Variants in DCN observed in about 807,000 individuals in gnomAD.
The protein encoded by DCN is decorin.
Under a neutral mutation model 36.5 loss-of-function variants are expected in DCN, and 17 were observed. The ratio of observed to expected loss-of-function variants is 0.47; its 90% confidence interval spans 0.32 to 0.70. The LOEUF (loss-of-function observed/expected upper bound fraction) is 0.70. DCN is among the 30% of genes least tolerant of loss of function. The probability of loss-of-function intolerance (pLI) is 0.04; values close to 1 mark genes in which losing one functional copy is unlikely to be tolerated. For missense variants in DCN, 389 were observed against 430.1 expected (o/e 0.90, Z 0.84); for synonymous variants, 163 against 161.4 (o/e 1.01, Z -0.07).
Position 91,179,576 on chromosome 12 carries a change from T to C in DCN, c.-33-991A>G, listed in dbSNP as rs1450195347. The C allele has an allele frequency of 2.0e-5, 3 of 152,352 alleles. No homozygotes were observed. In the East Asian group the frequency reaches 5.8e-4, roughly 29 times the overall value. The allele number at this position is 152,352 out of a possible 1,614,324, so 9.4% of individuals were successfully genotyped here. A position where few individuals can be genotyped will look rare whatever the true frequency, so the allele number is the denominator to read the frequency against. On this transcript the variant is annotated intron_variant, in intron 1 of 7. Coordinates refer to ENST00000052754, the MANE Select transcript of DCN (RefSeq NM_001920.5). The stretch of plus-strand genomic sequence containing the variant: ...ATGTACTCCTTCAGGGCGTGTCTTA[T>C]TATTCCTTGTTCTGTACCCGGGCCT...
rs1230839430 is a variant in DCN, at chr12:91,141,304, C to A, written c.*4754G>T. On this transcript the variant is annotated 3_prime_UTR_variant, in exon 8 of 8. Coordinates refer to ENST00000052754, the MANE Select transcript of DCN (RefSeq NM_001920.5). ...TTTACTCTGCTCACGTTTGTCCTCT[C>A]TGCTCTTGTTGGAACGTGCCATGTA... 1 of 152,244 alleles carries A rather than the reference C, an allele frequency of 6.6e-6. No homozygotes were observed. The highest frequency in any genetic ancestry group is 1.5e-5 in the Non-Finnish European group (1 of 68,094). 9.4% of individuals were successfully genotyped at this position (152,244 alleles called of 1,614,324 possible).
At chr12:91,177,051 G>A (rs1176021597) in intron 2 of DCN, 1 of 153,048 alleles carries the variant, frequency 6.5e-6, no homozygotes, top group Non-Finnish European at 1.5e-5. Context: ...GGCCATATTT[G>A]TCTTCCTCAT....
At chr12:91,158,610 A>T (rs1445882108) in intron 3 of DCN, 101 bp from the exon 4 acceptor site, 1 of 743,732 alleles carries the variant, frequency 1.3e-6, no homozygotes, top group Non-Finnish European at 2.4e-6. Flanking sequence ...GATAGCAGAG[A>T]AATCTAAAAA....
rs1330255139 is a variant in DCN, at chr12:91,143,666, C to A, written c.*2392G>T. 2 of 151,562 alleles carry A rather than the reference C, an allele frequency of 1.3e-5. No individual in the cohort carries two copies. Among genetic ancestry groups the A allele is most frequent in the Admixed American group, 1.3e-4 (2 of 15,202 alleles). The allele number at this position is 151,562 out of a possible 1,614,324, so 9.4% of individuals were successfully genotyped here. ...CATAAGACATGTACAATTAATATTCCCATTTTATGGACAAGGAAATGAGTC... is the reference window on the plus strand; with the variant it reads ...CATAAGACATGTACAATTAATATTCACATTTTATGGACAAGGAAATGAGTC... On this transcript the variant is annotated 3_prime_UTR_variant, in exon 8 of 8. Transcript: ENST00000052754.
intron 3 of DCN, among the ~76,000 whole-genome samples, chr12:91,161,975 CTG>C: frequency 6.7e-6 from 1 of 149,208 alleles, no homozygotes; most frequent in Admixed American, 6.7e-5. Context: ...GAGTCTCACT[CTG>C]TCACCAGGGC....
At chr12:91,166,783 A>C (rs1000262227) in intron 2 of DCN, among the ~76,000 whole-genome samples, 2 of 152,142 alleles carry the variant, frequency 1.3e-5, no homozygotes, top group Admixed American at 6.5e-5. Context: ...ATTCAGAAAA[A>C]AGGAATACCA....
At position 91,151,738 on chromosome 12, in the gene DCN, G is replaced by T. The variant is rs371907707; in HGVS notation, c.801C>A (p.Asn267Lys). 5 of 1,613,984 alleles carry T rather than the reference G, an allele frequency of 3.1e-6. No homozygotes were observed. The African/African-American group carries it at 5.3e-5, about 17-fold the overall frequency. ...ISAVDNGSLANTPHLRELHLD... is the reference protein window; with the variant it reads ...ISAVDNGSLAKTPHLRELHLD... ...AGTGAAGCTCCCTCAGATGAGGCGT[G>T]TTGGCCAGAGAGCCATTGTCAACAG... Residue 267 changes from asparagine to lysine, a missense_variant, in exon 7 of 8, where the codon AAC (asparagine) becomes AAA (lysine). Coordinates refer to ENST00000052754, the MANE Select transcript of DCN (RefSeq NM_001920.5).
rs560219682 is a variant in DCN at position 91,174,147 on chromosome 12, T to A, written c.211+4195A>T. Reference sequence around the variant, plus strand: ...AGCCAAATACTTCATTGTTCTCAAATCAAACAAACTCATTTTGTTCAAAGG... The same window carrying A: ...AGCCAAATACTTCATTGTTCTCAAAACAAACAAACTCATTTTGTTCAAAGG... On this transcript the variant is annotated intron_variant, in intron 2 of 7. Transcript: ENST00000052754. 6.6e-5 allele frequency among the ~76,000 whole-genome samples: 10 copies of A among 152,274 alleles called. No homozygotes were observed. The South Asian group carries it at 1.7e-3, about 25-fold the overall frequency.
intron 2 of DCN, among the ~76,000 whole-genome samples, chr12:91,169,000 G>A (rs1259369544): frequency 6.9e-6 from 1 of 144,614 alleles, no homozygotes; most frequent in Non-Finnish European, 1.5e-5. Context: ...CCCATTCATA[G>A]ATTTGTATTT....
intron 6 of DCN, 32 bp from the exon 7 acceptor site, chr12:91,151,824 C>A (rs768500451): frequency 6.2e-7 from 1 of 1,613,012 alleles, no homozygotes; most frequent in Admixed American, 1.7e-5. Context: ...AAAGCAAACA[C>A]CACACATGGA....
intron 4 of DCN, 111 bp from the exon 5 acceptor site, chr12:91,157,299 T>C (rs1881850249): frequency 1.3e-6 from 1 of 795,066 alleles, no homozygotes; most frequent in Non-Finnish European, 2.2e-6. Context: ...TAATATCAAC[T>C]TGACTAAAAA....
rs542974837 is a variant in DCN at position 91,141,792 on chromosome 12, G to A, written c.*4266C>T. 1 of 152,166 alleles carries A rather than the reference G, an allele frequency of 6.6e-6. No homozygotes were observed. The highest frequency in any genetic ancestry group is 2.1e-4 in the South Asian group (1 of 4,818). The allele number at this position is 152,166 out of a possible 1,614,324, so 9.4% of individuals were successfully genotyped here. On this transcript the variant is annotated 3_prime_UTR_variant, in exon 8 of 8. Coordinates refer to ENST00000052754, the MANE Select transcript of DCN (RefSeq NM_001920.5). ...CCCTCACAGTCACTGCAGAATGTGTGGCCTGGGAAGAGTCTCCTGATCTCC... is the reference window on the plus strand; with the variant it reads ...CCCTCACAGTCACTGCAGAATGTGTAGCCTGGGAAGAGTCTCCTGATCTCC...
chr12:91,164,087 C>T (rs1423304165), intron 3 of DCN, among the ~76,000 whole-genome samples: 2 of 151,950 alleles, frequency 1.3e-5, no homozygotes, highest in African/African-American at 4.8e-5. Flanking sequence ...GCTTCCCTAC[C>T]ACTGCTAAAA....
At chr12:91,164,961 T>C (rs547859283) in intron 2 of DCN, among the ~76,000 whole-genome samples, 2 of 152,360 alleles carry the variant, frequency 1.3e-5, no homozygotes, top group African/African-American at 4.8e-5. Context: ...CATGGAATTA[T>C]TCCTCTGCAT....
intron 2 of DCN, among the ~76,000 whole-genome samples, chr12:91,165,706 T>C (rs2121253842): frequency 6.6e-6 from 1 of 152,290 alleles, no homozygotes; most frequent in Non-Finnish European, 1.5e-5. Flanking sequence ...TTCTGTATTT[T>C]AAGACTGCAT....
At chr12:91,154,000 T>C (rs1012608899) in intron 5 of DCN, among the ~76,000 whole-genome samples, 3 of 152,124 alleles carry the variant, frequency 2.0e-5, no homozygotes, top group Non-Finnish European at 4.4e-5. Context: ...TAAAATAACA[T>C]ATTGTTCCAC....
intron 7 of DCN, among the ~76,000 whole-genome samples, chr12:91,149,737 T>C (rs542168804): frequency 2.1e-4 from 32 of 152,252 alleles, no homozygotes; most frequent in African/African-American, 7.0e-4. Context: ...AAAAACAAAT[T>C]TGGCATAGTA....
rs1565790851 is a variant in DCN, at chr12:91,178,349, A to G, written c.204T>C (p.Ser68=). Residue 68 remains serine, a synonymous_variant, in exon 2 of 8, where the codon TCT becomes TCC. Transcript: ENST00000052754. ...AAACTGCATCCCACTCACCCAAATC[A>G]GAACACTGGACCACTCGAAGATGGC... ...CQCHLRVVQC[S]DLGLDKVPKD... 2 of 1,613,726 alleles carry G rather than the reference A, an allele frequency of 1.2e-6. No homozygotes were observed. The highest frequency in any genetic ancestry group is 2.2e-5 in the East Asian group (1 of 44,850).
chr12:91,181,690 T>C (rs1208704865), intron 1 of DCN, among the ~76,000 whole-genome samples: 1 of 152,080 alleles, frequency 6.6e-6, no homozygotes, highest in Non-Finnish European at 1.5e-5. Flanking sequence ...TATCTATGCC[T>C]CTGGTGTCAC....
Sources: allele counts gnomAD v4.1 joint callset (sites outside exome capture counted in the v4.1 genomes callset), GRCh38; gene constraint gnomAD v4.1.1; transcripts MANE v1.5; gene names NCBI Gene and HGNC (gene_info 2026-07-23, HGNC 2026-07-21).